The following RNF19A variants were observed in gnomAD, a reference collection of about 807,000 sequenced individuals.
The protein encoded by RNF19A is ring finger protein 19A, RBR E3 ubiquitin protein ligase, also known as E3 ubiquitin-protein ligase RNF19A.
In RNF19A, 32 loss-of-function variants were observed where a neutral mutation model predicts 75.7. That is an observed-to-expected ratio of 0.42 (90% confidence interval 0.32 to 0.57). The LOEUF is 0.57. Among genes scored for constraint, RNF19A ranks in the 20% least tolerant of loss-of-function variants. RNF19A has a pLI of 0.10. For missense variants in RNF19A, 782 were observed against 1,036.3 expected (o/e 0.75, Z 3.37); for synonymous variants, 335 against 345.2 (o/e 0.97, Z 0.33).
At position 100,324,658 on chromosome 8, in the gene RNF19A, A is replaced by T. The variant is rs1822505277; in HGVS notation, c.-242-11286T>A. 6.6e-6 allele frequency among the ~76,000 whole-genome samples: 1 copy of T among 152,302 alleles called. No individual in the cohort carries two copies. The highest frequency in any genetic ancestry group is 2.1e-4 in the South Asian group (1 of 4,830). ...GATTTTTCACAAACGAAGAATTTCC[A>T]ACCTGAGAAACCTAAATATGAATCT... On this transcript the variant is annotated intron_variant, in intron 1 of 3. Coordinates refer to the RNF19A transcript ENST00000519527. The surrounding 1 kb of genome is among the most constrained non-coding windows in gnomAD (Gnocchi z 4.2).
chr8:100,285,078 T>G (rs543528176), intron 2 of RNF19A, among the ~76,000 whole-genome samples: 3 of 152,280 alleles, frequency 2.0e-5, no homozygotes, highest in South Asian at 2.1e-4. Context: ...TGAACATTTT[T>G]TTGTTGTTGT....
rs1413251557 is a variant in RNF19A, at chr8:100,259,702, T to A, written c.1826+152A>T. Reference sequence around the variant, plus strand: ...AACCACAAATCCACTTTATGATCTATACAGATTTGCCTACTCTGGACAGCT... The same window carrying A: ...AACCACAAATCCACTTTATGATCTAAACAGATTTGCCTACTCTGGACAGCT... On this transcript the variant is annotated intron_variant, in intron 9 of 9. Coordinates refer to ENST00000341084, the MANE Select transcript of RNF19A (RefSeq NM_183419.4). This position sits in a 1 kb window ranked among gnomAD's most constrained non-coding sequence, Gnocchi z 4.5. 2.8e-5 allele frequency: 19 copies of A among 670,260 alleles called. No individual in the cohort carries two copies. The highest frequency in any genetic ancestry group is 4.2e-5 in the Non-Finnish European group (17 of 404,486). The allele number at this position is 670,260 out of a possible 1,614,324, so 41.5% of individuals were successfully genotyped here. A position where few individuals can be genotyped will look rare whatever the true frequency, so the allele number is the denominator to read the frequency against.
chr8:100,304,907 C>T (rs553645871), intron 1 of RNF19A, among the ~76,000 whole-genome samples: 1 of 152,278 alleles, frequency 6.6e-6, no homozygotes, highest in South Asian at 2.1e-4. Flanking sequence ...TTAACTTATA[C>T]TAATCCAATG....
chr8:100,288,136 A>G lies in RNF19A; in HGVS notation c.39T>C (p.Asn13=), dbSNP rs746258656. ...EQEIGFISKY[N]EGLCVNTDPV... ...GGTCAGTGTTTACACACAGCCCTTC[A>G]TTATATTTAGAGATAAAACCTATTT... Residue 13 remains asparagine, a synonymous_variant, in exon 2 of 10, where the codon AAT becomes AAC. Coordinates refer to ENST00000341084, the MANE Select transcript of RNF19A (RefSeq NM_183419.4). 3.1e-6 allele frequency: 5 copies of G among 1,612,292 alleles called. No individual in the cohort carries two copies. In the Middle Eastern group the frequency reaches 4.9e-4, roughly 159 times the overall value.
chr8:100,289,269 C>T (rs1405065471), intron 1 of RNF19A, among the ~76,000 whole-genome samples: 2 of 151,968 alleles, frequency 1.3e-5, no homozygotes, highest in Non-Finnish European at 2.9e-5. Context: ...AAATATAAAG[C>T]TTCTAGGAGA....
In RNF19A at chr8:100,284,346, C is replaced by T. The variant is rs1350485464; in HGVS notation, c.674+3155G>A. Reference sequence around the variant, plus strand: ...ATTGGGTGACATTTTCTTCAAAACACAATCATAAAACCTACATCACCAAGT... The same window carrying T: ...ATTGGGTGACATTTTCTTCAAAACATAATCATAAAACCTACATCACCAAGT... On this transcript the variant is annotated intron_variant, in intron 2 of 9. Coordinates refer to ENST00000341084, the MANE Select transcript of RNF19A (RefSeq NM_183419.4). The surrounding 1 kb of genome is among the most constrained non-coding windows in gnomAD (Gnocchi z 4.3). 2.6e-5 allele frequency among the ~76,000 whole-genome samples: 4 copies of T among 152,222 alleles called. No individual in the cohort carries two copies. The highest frequency in any genetic ancestry group is 2.6e-4 in the Admixed American group (4 of 15,296).
intron 1 of RNF19A, among the ~76,000 whole-genome samples, chr8:100,292,665 T>C (rs1379095223): frequency 6.6e-6 from 1 of 152,132 alleles, no homozygotes; most frequent in Admixed American, 6.6e-5. Context: ...TATGAATAAG[T>C]AGAGATCAAA....
Position 100,324,915 on chromosome 8 carries a change from C to G in RNF19A, c.-243+11193G>C, listed in dbSNP as rs985619908. On this transcript the variant is annotated intron_variant, in intron 1 of 3. Coordinates refer to the RNF19A transcript ENST00000519527. This position sits in a 1 kb window ranked among gnomAD's most constrained non-coding sequence, Gnocchi z 4.2. Reference sequence around the variant, plus strand: ...TCTCTCTCTCTTTCTCTCTTTCTTTCTTTCTTTTCTTGATAGAGTCTCACT... The same window carrying G: ...TCTCTCTCTCTTTCTCTCTTTCTTTGTTTCTTTTCTTGATAGAGTCTCACT... Among the ~76,000 whole-genome samples the G allele has an allele frequency of 2.2e-5, 3 of 138,684 alleles. No homozygotes were observed. The highest frequency in any genetic ancestry group is 7.5e-5 in the Admixed American group (1 of 13,272). 91.0% of individuals were successfully genotyped at this position (138,684 alleles called of 152,430 possible).
chr8:100,335,934 G>T (rs1472069233), intron 1 of RNF19A, among the ~76,000 whole-genome samples: 3 of 152,198 alleles, frequency 2.0e-5, no homozygotes, highest in Non-Finnish European at 4.4e-5. Flanking sequence ...TAGGTTGGCC[G>T]CTTTCTATAC....
At chr8:100,280,883 T>C (rs1820750939) in intron 2 of RNF19A, among the ~76,000 whole-genome samples, 1 of 152,170 alleles carries the variant, frequency 6.6e-6, no homozygotes, top group South Asian at 2.1e-4. Context: ...AAAACAACTC[T>C]CAAATTATAA....
rs575240168 is a variant in RNF19A, at chr8:100,331,538, G to A, written c.-243+4570C>T. ...AGCAGTCCCAGCTACTCGGGAGGCT[G>A]AGGCAGGAGGATTGCTTGAGCCCAG... On this transcript the variant is annotated intron_variant, in intron 1 of 3. Coordinates refer to the RNF19A transcript ENST00000519527. This position sits in a 1 kb window ranked among gnomAD's most constrained non-coding sequence, Gnocchi z 5.2. Among the ~76,000 whole-genome samples the A allele has an allele frequency of 1.2e-4, 18 of 152,148 alleles. No individual in the cohort carries two copies. The highest frequency in any genetic ancestry group is 1.9e-4 in the Non-Finnish European group (13 of 67,996).
rs146654179 is a variant in RNF19A, at chr8:100,284,986, A to AC, written c.674+2514dup. 0.027 allele frequency among the ~76,000 whole-genome samples: 4,143 copies of AC among 152,234 alleles called. 77 individuals carry two copies. Among genetic ancestry groups the AC allele is most frequent in the Non-Finnish European group, 0.046 (3,102 of 67,972 alleles). On this transcript the variant is annotated intron_variant, in intron 2 of 9. Transcript: ENST00000341084. This position sits in a 1 kb window ranked among gnomAD's most constrained non-coding sequence, Gnocchi z 4.3. The stretch of plus-strand genomic sequence containing the variant: ...CAGTGGCTTTACAAGTAACTTGGTT[A>AC]CCCCCTGAAGTTCACATCCCCTCTT...
chr8:100,335,907 C>G (rs930548935), intron 1 of RNF19A, among the ~76,000 whole-genome samples: 1 of 152,206 alleles, frequency 6.6e-6, no homozygotes, highest in Non-Finnish European at 1.5e-5. Flanking sequence ...CACACGTGAC[C>G]CAAAGCAGCT....
Position 100,322,605 on chromosome 8 carries a change from T to C in RNF19A, c.-242-9233A>G, listed in dbSNP as rs977146715. ...CCTTTGCATTTACAACTTGGCTAACTGGCATAAGAGGCCTAGCTTTCAGCC... is the reference window on the plus strand; with the variant it reads ...CCTTTGCATTTACAACTTGGCTAACCGGCATAAGAGGCCTAGCTTTCAGCC... On this transcript the variant is annotated intron_variant, in intron 1 of 3. Coordinates refer to the RNF19A transcript ENST00000519527. This position sits in a 1 kb window ranked among gnomAD's most constrained non-coding sequence, Gnocchi z 5.1. 6.6e-6 allele frequency among the ~76,000 whole-genome samples: 1 copy of C among 152,272 alleles called. No homozygotes were observed. The highest frequency in any genetic ancestry group is 2.4e-5 in the African/African-American group (1 of 41,472).
rs548517891 is a variant in RNF19A at position 100,262,555 on chromosome 8, G to T, written c.1469-800C>A. Among the ~76,000 whole-genome samples, 7 of 152,292 alleles carry T rather than the reference G, an allele frequency of 4.6e-5. No homozygotes were observed. The South Asian group carries it at 1.4e-3, about 32-fold the overall frequency. On this transcript the variant is annotated intron_variant, in intron 7 of 9. Transcript: ENST00000341084. The stretch of plus-strand genomic sequence containing the variant: ...GAGGGTGACAAGAGATGAGCTCAGA[G>T]ACATAGTTGGGGCAGATCATGTGGG...
At chr8:100,321,764 G>C (rs1822468859) in intron 1 of RNF19A, among the ~76,000 whole-genome samples, 1 of 152,222 alleles carries the variant, frequency 6.6e-6, no homozygotes, top group African/African-American at 2.4e-5. Flanking sequence ...TGGATGTTGG[G>C]TTAACAGGTA....
In RNF19A at chr8:100,259,073, G is replaced by T. The variant is rs1421024036; in HGVS notation, c.2000C>A (p.Ala667Glu). ...KSSATKWSKE[A>E]TAGKKSKSGK... ...ACTTTTTGATTTTTTCCCTGCTGTT[G>T]CTTCTTTGGACCACTTGGTGGCACT... The change falls in exon 10 of 10, where the codon GCA (alanine) becomes GAA (glutamate). Residue 667 changes from alanine to glutamate, a missense_variant. Around this residue, in one of 7 missense-constraint regions of RNF19A, gnomAD observed 442 missense variants for 541.6 expected, o/e 0.82. Coordinates refer to ENST00000341084, the MANE Select transcript of RNF19A (RefSeq NM_183419.4). This position sits in a 1 kb window ranked among gnomAD's most constrained non-coding sequence, Gnocchi z 4.5. 11 of 1,613,794 alleles carry T rather than the reference G, an allele frequency of 6.8e-6. No homozygotes were observed. Among genetic ancestry groups the T allele is most frequent in the Admixed American group, 1.7e-5 (1 of 59,974 alleles).
At position 100,325,706 on chromosome 8, in the gene RNF19A, T is replaced by A. The variant is rs543747921; in HGVS notation, c.-243+10402A>T. ...CTAGTCATTGTTATCAACCTCAATA[T>A]TGCAGAAAATATCTGTGGATGTTTA... On this transcript the variant is annotated intron_variant, in intron 1 of 3. Transcript: ENST00000519527. The surrounding 1 kb of genome is among the most constrained non-coding windows in gnomAD (Gnocchi z 4.3). 8.5e-5 allele frequency among the ~76,000 whole-genome samples: 13 copies of A among 152,288 alleles called. No individual in the cohort carries two copies. In the South Asian group the frequency reaches 2.5e-3, roughly 29 times the overall value.
At chr8:100,327,732 G>A (rs1024221733) in intron 1 of RNF19A, among the ~76,000 whole-genome samples, 10 of 152,044 alleles carry the variant, frequency 6.6e-5, no homozygotes, top group African/African-American at 2.2e-4. Context: ...GAAAACATCC[G>A]GTTCCTCTTT....
Sources: gnomAD v4.1 joint callset for allele counts (sites outside exome capture counted in the v4.1 genomes callset) on GRCh38, gnomAD v4.1.1 for gene constraint, gnomAD v4.1.1 regional missense constraint, Gnocchi (gnomAD v3.1) non-coding constraint, MANE v1.5 for transcripts, NCBI Gene and HGNC (gene_info 2026-07-23, HGNC 2026-07-21) for gene names.